The following PHKB variants were observed in gnomAD, a reference collection of about 807,000 sequenced individuals.
PHKB encodes the protein phosphorylase b kinase regulatory subunit beta.
A neutral mutation model predicts 152.1 loss-of-function variants in PHKB; 122 were observed. The observed-to-expected ratio is 0.80, with a 90% CI of 0.69 to 0.93. The LOEUF (loss-of-function observed/expected upper bound fraction) is 0.93, where lower values mean the gene tolerates loss of function less well. Ranked by LOEUF, PHKB falls within the 40% of genes least tolerant of loss-of-function variation. The probability of loss-of-function intolerance (pLI) is 0.00; values close to 1 mark genes in which losing one functional copy is unlikely to be tolerated. For missense variants in PHKB, 1,304 were observed against 1,328.4 expected, an observed-to-expected ratio of 0.98 and a Z score of 0.29; for synonymous variants, 436 against 464.9, an observed-to-expected ratio of 0.94 and a Z score of 0.80.
intron 7 of PHKB, among the ~76,000 whole-genome samples, chr16:47,560,258 CAAA>C (rs1971453510): frequency 6.6e-6 from 1 of 152,104 alleles, no homozygotes; most frequent in South Asian, 2.1e-4. Flanking sequence ...AGGAGATTAA[CAAA>C]AGAAGTGTAA....
intron 20 of PHKB, among the ~76,000 whole-genome samples, chr16:47,652,518 A>G (rs1490974846): frequency 1.7e-4 from 26 of 151,846 alleles, no homozygotes; most frequent in Admixed American, 1.7e-3. Context: ...CAAACAGTGT[A>G]TAACATTCCC....
At chr16:47,478,672 T>C (rs947328987) in intron 1 of PHKB, among the ~76,000 whole-genome samples, 1 of 152,108 alleles carries the variant, frequency 6.6e-6, no homozygotes, top group African/African-American at 2.4e-5. Flanking sequence ...CATATGTAAA[T>C]AGCTCTCAAC....
Position 47,511,732 on chromosome 16 carries a change from G to C in PHKB, c.473G>C (p.Gly158Ala). 6.2e-7 allele frequency: 1 copy of C among 1,611,732 alleles called. No homozygotes were observed. The highest frequency in any genetic ancestry group is 8.5e-7 in the Non-Finnish European group (1 of 1,177,832). The change falls in exon 5 of 31, where the codon GGA becomes GCA. Residue 158 changes from glycine (G) to alanine (A), a missense_variant. By Grantham distance (60) the Gly-to-Ala change is moderately conservative (BLOSUM62 0). Coordinates refer to ENST00000323584, the MANE Select transcript of PHKB (RefSeq NM_000293.3). ...CACTCTGTTTTCAATGTGCATACAG[G>C]AGATGAGTTGCTTTCCTATGAGGAA... is the stretch of plus-strand genomic sequence containing the variant. Reference protein sequence around the residue: ...CLHSVFNVHTGDELLSYEEYG... With the variant: ...CLHSVFNVHTADELLSYEEYG...
chr16:47,652,127 G>A (rs1325206519), intron 20 of PHKB, among the ~76,000 whole-genome samples: 2 of 151,646 alleles, frequency 1.3e-5, no homozygotes, highest in African/African-American at 2.4e-5. Flanking sequence ...TCAGATGTCC[G>A]GTATTCTTTA....
In PHKB at chr16:47,699,448, A is replaced by G. The variant is rs1597192163; in HGVS notation, c.*82A>G. ...ATGTTCAAGCTTAATCAAGGCAGCC[A>G]TTAATATACGAACTGAGCATGCTGG... On this transcript the variant is annotated 3_prime_UTR_variant, in exon 31 of 31. Transcript: ENST00000323584. 2.0e-6 allele frequency: 3 copies of G among 1,519,374 alleles called. No individual in the cohort carries two copies. The East Asian group carries it at 6.8e-5, about 34-fold the overall frequency. The allele number at this position is 1,519,374 out of a possible 1,614,324, so 94.1% of individuals were successfully genotyped here.
intron 7 of PHKB, chr16:47,566,488 TCAACTTCTCTGGA>T: frequency 6.2e-7 from 1 of 1,607,882 alleles, no homozygotes; most frequent in Non-Finnish European, 8.5e-7. Context: ...CCAAAACCTT[TCAACTTCTCTGGA>T]TTGCTGGGTT....
intron 8 of PHKB, among the ~76,000 whole-genome samples, chr16:47,581,167 G>A (rs1180152865): frequency 1.3e-5 from 2 of 152,140 alleles, no homozygotes; most frequent in African/African-American, 2.4e-5. Flanking sequence ...CAAAAAAAAC[G>A]ACATGGTTTT....
In PHKB at chr16:47,699,502, T is replaced by C; in HGVS notation, c.*136T>C. ...GGTGAATGCCACATCCTTGGCGGGG[T>C]TATGGACCTCTTGCATGTCATAGCC... On this transcript the variant is annotated 3_prime_UTR_variant, in exon 31 of 31. Coordinates refer to ENST00000323584, the MANE Select transcript of PHKB (RefSeq NM_000293.3). 3.1e-6 allele frequency: 3 copies of C among 955,760 alleles called. No homozygotes were observed. The highest frequency in any genetic ancestry group is 5.1e-6 in the Non-Finnish European group (3 of 583,538). 59.2% of individuals were successfully genotyped at this position (955,760 alleles called of 1,614,324 possible).
In PHKB at chr16:47,588,948, T is replaced by C. The variant is rs746454503; in HGVS notation, c.914T>C (p.Phe305Ser). 42 of 1,613,924 alleles carry C rather than the reference T, an allele frequency of 2.6e-5. No individual in the cohort carries two copies. The highest frequency in any genetic ancestry group is 3.6e-5 in the Non-Finnish European group (42 of 1,179,940). Residue 305 changes from phenylalanine to serine, a missense_variant, in exon 10 of 31, where the codon TTT becomes TCT. Transcript: ENST00000323584. The part of the protein sequence containing the change: ...ALLPCISYPA[F>S]ALDDEVLFSQ... ...CTCCCCTGCATCAGTTATCCTGCAT[T>C]TGCCCTGGATGATGAAGTTCTTTTT...
chr16:47,586,632 T>G lies in PHKB; in HGVS notation c.775-1036T>G, dbSNP rs966803622. ...CAGTGTAGGTGATTGGTTGGAGATA[T>G]TTTTGTTTCAGTTTGAATGCATCTG... On this transcript the variant is annotated intron_variant, in intron 8 of 30. Transcript: ENST00000323584. 2.6e-5 allele frequency among the ~76,000 whole-genome samples: 4 copies of G among 152,254 alleles called. 1 individual carries two copies. The highest frequency in any genetic ancestry group is 3.4e-3 in the Middle Eastern group (1 of 294).
intron 26 of PHKB, among the ~76,000 whole-genome samples, chr16:47,670,673 A>G (rs1369084180): frequency 2.0e-4 from 31 of 152,018 alleles, no homozygotes; most frequent in Non-Finnish European, 1.5e-5. Flanking sequence ...TATTTTTAGT[A>G]GAGACACGGT....
intron 20 of PHKB, among the ~76,000 whole-genome samples, chr16:47,658,401 C>T (rs1015766521): frequency 2.0e-5 from 3 of 152,072 alleles, no homozygotes; most frequent in Non-Finnish European, 4.4e-5. Flanking sequence ...CTCCCCATCC[C>T]CTACCTTTCT....
At chr16:47,612,085 T>C (rs1022326245) in intron 14 of PHKB, among the ~76,000 whole-genome samples, 4 of 152,176 alleles carry the variant, frequency 2.6e-5, no homozygotes, top group Non-Finnish European at 4.4e-5. Context: ...ACAAAACAAG[T>C]GTTTGTAGGT....
At chr16:47,475,725 A>T (rs1355849987) in intron 1 of PHKB, among the ~76,000 whole-genome samples, 1 of 152,154 alleles carries the variant, frequency 6.6e-6, no homozygotes, top group Non-Finnish European at 1.5e-5. Context: ...ATAATTATTT[A>T]AAAAATAATC....
At chr16:47,650,368 TG>T (rs1973213716) in intron 18 of PHKB, among the ~76,000 whole-genome samples, 175 bp from the exon 19 acceptor site, 1 of 152,218 alleles carries the variant, frequency 6.6e-6, no homozygotes, top group Non-Finnish European at 1.5e-5. Flanking sequence ...ATAACTTGCG[TG>T]TACCCAGAGA....
intron 8 of PHKB, among the ~76,000 whole-genome samples, chr16:47,583,321 T>G (rs1266557582): frequency 6.6e-6 from 1 of 152,210 alleles, no homozygotes; most frequent in Non-Finnish European, 1.5e-5. Flanking sequence ...CATTTAAAAG[T>G]GCATGTGATC....
chr16:47,527,438 A>G (rs1970787583), intron 6 of PHKB, among the ~76,000 whole-genome samples: 1 of 152,232 alleles, frequency 6.6e-6, no homozygotes, highest in African/African-American at 2.4e-5. Flanking sequence ...TAAAAAATTT[A>G]CCAAGCAGAT....
At chr16:47,624,261 A>G (rs1972669688) in intron 14 of PHKB, among the ~76,000 whole-genome samples, 1 of 152,244 alleles carries the variant, frequency 6.6e-6, no homozygotes, top group Non-Finnish European at 1.5e-5. Flanking sequence ...ACACTGTAAC[A>G]TGGTCAGGTA....
intron 5 of PHKB, among the ~76,000 whole-genome samples, chr16:47,513,538 A>G (rs1362905354): frequency 1.3e-5 from 2 of 152,126 alleles, no homozygotes; most frequent in Admixed American, 1.3e-4. Flanking sequence ...AAGTCAGGAG[A>G]CACCCAGAAT....
Sources: gnomAD v4.1 joint callset for allele counts (sites outside exome capture counted in the v4.1 genomes callset) on GRCh38, gnomAD v4.1.1 for gene constraint, MANE v1.5 for transcripts, NCBI Gene and HGNC (gene_info 2026-07-23, HGNC 2026-07-21) for gene names.